CDH4: variants seen among roughly 807,000 people sequenced by gnomAD.
The protein encoded by CDH4 is cadherin-4.
Under a neutral mutation model 86.0 loss-of-function variants are expected in CDH4, and 33 were observed. The observed-to-expected ratio is 0.38, with a 90% CI of 0.29 to 0.51. The LOEUF (loss-of-function observed/expected upper bound fraction) is 0.51. Among genes scored for constraint, CDH4 ranks in the 20% least tolerant of loss-of-function variants. The pLI, the probability that CDH4 is intolerant of heterozygous loss-of-function variation, is 0.86. For missense variants in CDH4, 1,114 were observed against 1,307.4 expected, an observed-to-expected ratio of 0.85 and a Z score of 2.28; for synonymous variants, 555 against 549.4, an observed-to-expected ratio of 1.01 and a Z score of -0.14.
Position 61,873,898 on chromosome 20 carries a change from G to A in CDH4, c.1048G>A (p.Glu350Lys), listed in dbSNP as rs1983910838. The change falls in exon 7 of 16, where the codon GAG (glutamate) becomes AAG (lysine). Residue 350 changes from glutamate (E) to lysine (K), a missense_variant and splice_region_variant. Transcript: ENST00000614565. ...IVTVAAGLDREKVQQYTVIVQ... is the reference protein window; with the variant it reads ...IVTVAAGLDRKKVQQYTVIVQ... ...CACAGTGGCGGCTGGCCTGGACCGAGAGGTGAGGCGGGGTGGGGTCTGCGT... is the reference window on the plus strand; with the variant it reads ...CACAGTGGCGGCTGGCCTGGACCGAAAGGTGAGGCGGGGTGGGGTCTGCGT... 1 of 1,613,260 alleles carries A rather than the reference G, an allele frequency of 6.2e-7. No individual in the cohort carries two copies. The highest frequency in any genetic ancestry group is 1.1e-5 in the South Asian group (1 of 91,070).
In CDH4 at chr20:61,565,170, G is replaced by GTGGCGGTGCTCTCGGTGGTA. The variant is rs1555809040; in HGVS notation, c.170-178393_170-178392insTGGCGGTGCTCTCGGTGGTA. ...GTTGGTAGTGGTCCTCTTGGTGATG[G>GTGGCGGTGCTCTCGGTGGTA]GGTGGTGGTGGTGGTGGTCCTCTTG... On this transcript the variant is annotated intron_variant, in intron 2 of 15. Transcript: ENST00000614565. Among the ~76,000 whole-genome samples, 4 of 127,242 alleles carry GTGGCGGTGCTCTCGGTGGTA rather than the reference G, an allele frequency of 3.1e-5. 1 individual carries two copies. The highest frequency in any genetic ancestry group is 9.0e-5 in the African/African-American group (3 of 33,416). 83.5% of individuals were successfully genotyped at this position (127,242 alleles called of 152,430 possible).
chr20:61,500,573 G>T (rs892114443), intron 2 of CDH4, among the ~76,000 whole-genome samples: 6 of 152,190 alleles, frequency 3.9e-5, no homozygotes, highest in African/African-American at 1.4e-4. Flanking sequence ...AGAAGGAAGG[G>T]AATGTCTGCA....
At chr20:61,691,956 A>G (rs1397304919) in intron 2 of CDH4, among the ~76,000 whole-genome samples, 2 of 152,232 alleles carry the variant, frequency 1.3e-5, no homozygotes, top group Non-Finnish European at 2.9e-5. Context: ...ACTTTTGTGT[A>G]TTATCGGAAT....
intron 5 of CDH4, 40 bp from the exon 6 acceptor site, chr20:61,852,714 G>A (rs1390007539): frequency 1.6e-5 from 25 of 1,585,644 alleles, no homozygotes; most frequent in Non-Finnish European, 2.0e-5. Flanking sequence ...GAGTGGGGGT[G>A]CCCACCCGCC....
chr20:61,860,712 G>A (rs948103569), intron 6 of CDH4, among the ~76,000 whole-genome samples: 3 of 152,200 alleles, frequency 2.0e-5, no homozygotes, highest in East Asian at 1.9e-4. Flanking sequence ...CACTGAAGGC[G>A]TCTGTCCAGG....
intron 2 of CDH4, among the ~76,000 whole-genome samples, chr20:61,723,137 T>C (rs2088061471): frequency 6.6e-6 from 1 of 152,210 alleles, no homozygotes; most frequent in South Asian, 2.1e-4. Context: ...TGTCCCCGAC[T>C]CCCAGAGGAT....
At chr20:61,864,528 C>T (rs1415310910) in intron 6 of CDH4, among the ~76,000 whole-genome samples, 1 of 152,196 alleles carries the variant, frequency 6.6e-6, no homozygotes, top group Admixed American at 6.5e-5. Context: ...GCCACAGAGA[C>T]CACGTCTGCT....
chr20:61,922,216 T>A (rs1320431432), intron 9 of CDH4, among the ~76,000 whole-genome samples: 1 of 152,276 alleles, frequency 6.6e-6, no homozygotes, highest in Non-Finnish European at 1.5e-5. Context: ...AATATTTTAA[T>A]GCAATTGAGA....
chr20:61,626,117 G>A (rs2086827686), intron 2 of CDH4, among the ~76,000 whole-genome samples: 1 of 152,218 alleles, frequency 6.6e-6, no homozygotes. Context: ...GGTTGTAGCA[G>A]GGAACAGAAG....
intron 4 of CDH4, among the ~76,000 whole-genome samples, chr20:61,790,641 C>G (rs1285746290): frequency 6.6e-6 from 1 of 151,558 alleles, no homozygotes; most frequent in Non-Finnish European, 1.5e-5. Flanking sequence ...ATCTCTCCAT[C>G]CATTCACCCA....
rs111583761 is a variant in CDH4 at position 61,632,347 on chromosome 20, A to G, written c.170-111216A>G. On this transcript the variant is annotated intron_variant, in intron 2 of 15. Coordinates refer to ENST00000614565, the MANE Select transcript of CDH4 (RefSeq NM_001794.5). ...TGTGCACTTATACAATACCCACTAT[A>G]TCACCCCCAACAATCGACCCTGTGC... is the stretch of plus-strand genomic sequence containing the variant. 3.0e-3 allele frequency among the ~76,000 whole-genome samples: 450 copies of G among 152,212 alleles called. 2 individuals are homozygous for G. Among genetic ancestry groups the G allele is most frequent in the African/African-American group, 9.4e-3 (390 of 41,510 alleles).
rs1413200816 is a variant in CDH4, at chr20:61,516,192, TA to T, written c.170-227370del. Among the ~76,000 whole-genome samples the T allele has an allele frequency of 1.3e-5, 2 of 152,114 alleles. No individual in the cohort carries two copies. Among genetic ancestry groups the T allele is most frequent in the Non-Finnish European group, 2.9e-5 (2 of 68,012 alleles). The stretch of plus-strand genomic sequence containing the variant: ...CGGAGGGGACGCTGGCCACCTCTCT[TA>T]CCCTAGAAGCTGCGGCAGGTGTCCG... On this transcript the variant is annotated intron_variant, in intron 2 of 15. Coordinates refer to ENST00000614565, the MANE Select transcript of CDH4 (RefSeq NM_001794.5). This position sits in a 1 kb window ranked among gnomAD's most constrained non-coding sequence, Gnocchi z 4.0.
In CDH4 at chr20:61,615,537, T is replaced by C. The variant is rs111997148; in HGVS notation, c.170-128026T>C. On this transcript the variant is annotated intron_variant, in intron 2 of 15. Transcript: ENST00000614565. ...AACTTTCAAGTTTCCAGCATTAATA[T>C]TTTGTAAAGAAAAATAAATTAATGG... Among the ~76,000 whole-genome samples, 933 of 152,366 alleles carry C rather than the reference T, an allele frequency of 6.1e-3. 4 individuals carry two copies. The highest frequency in any genetic ancestry group is 0.024 in the Middle Eastern group (7 of 294).
chr20:61,816,768 G>T (rs1250942819), intron 4 of CDH4, among the ~76,000 whole-genome samples: 1 of 152,168 alleles, frequency 6.6e-6, no homozygotes, highest in Non-Finnish European at 1.5e-5. Flanking sequence ...CACCAGTGGG[G>T]CATGACCCGC....
At chr20:61,382,993 T>G (rs2084912996) in intron 2 of CDH4, among the ~76,000 whole-genome samples, 1 of 149,120 alleles carries the variant, frequency 6.7e-6, no homozygotes, top group South Asian at 2.1e-4. Context: ...AACCAATCAC[T>G]GTGTATCATG....
chr20:61,852,756 C>A lies in CDH4; in HGVS notation c.735C>A (p.Leu245=), dbSNP rs767335441. 8 of 1,609,146 alleles carry A rather than the reference C, an allele frequency of 5.0e-6. No homozygotes were observed. The South Asian group carries it at 7.7e-5, about 16-fold the overall frequency. The part of the protein sequence containing the change: ...MDREEHASYH[L]RAHAVDMNGN... ...CCCTGTCTCTGCTGCTTTTCCAGCT[C>A]CGAGCCCACGCTGTGGACATGAATG... Residue 245 remains leucine (L), a splice_region_variant and synonymous_variant, in exon 6 of 16, where the codon CTC becomes CTA. Coordinates refer to ENST00000614565, the MANE Select transcript of CDH4 (RefSeq NM_001794.5).
rs574982607 is a variant in CDH4 at position 61,376,190 on chromosome 20, G to A, written c.169+121253G>A. 6.9e-3 allele frequency among the ~76,000 whole-genome samples: 1,044 copies of A among 151,804 alleles called. 5 individuals carry two copies. Among genetic ancestry groups the A allele is most frequent in the Non-Finnish European group, 0.011 (762 of 67,916 alleles). On this transcript the variant is annotated intron_variant, in intron 2 of 15. Transcript: ENST00000614565. ...TGGTGTTGCTGATGTTGGTGATTGT[G>A]TGGGTGTGGTGGTGGTGCCAATGCC...
chr20:61,766,774 G>A (rs557995451), intron 3 of CDH4, among the ~76,000 whole-genome samples: 2 of 152,258 alleles, frequency 1.3e-5, no homozygotes, highest in Non-Finnish European at 2.9e-5. Flanking sequence ...GCCACTGTCT[G>A]TGCCCCCTTC....
chr20:61,654,833 C>T (rs1247617165), intron 2 of CDH4, among the ~76,000 whole-genome samples: 5 of 152,234 alleles, frequency 3.3e-5, no homozygotes, highest in East Asian at 1.9e-4. Flanking sequence ...CTGGGGGCCA[C>T]GCTGCAGCCC....
Sources: gnomAD v4.1 joint callset for allele counts (sites outside exome capture counted in the v4.1 genomes callset) on GRCh38, gnomAD v4.1.1 for gene constraint, Gnocchi (gnomAD v3.1) non-coding constraint, MANE v1.5 for transcripts, NCBI Gene and HGNC (gene_info 2026-07-23, HGNC 2026-07-21) for gene names.